The following NLRC5 variants were observed in gnomAD, a reference collection of about 807,000 sequenced individuals.
The protein encoded by NLRC5 is NLR family CARD domain containing 5, also known as protein NLRC5.
In NLRC5, 114 loss-of-function variants were observed where a neutral mutation model predicts 206.9. The ratio of observed to expected loss-of-function variants is 0.55; its 90% CI spans 0.47 to 0.64. NLRC5 has a LOEUF of 0.64. Ranked by LOEUF, NLRC5 falls within the 30% of genes least tolerant of loss-of-function variation. The pLI is 0.00. For synonymous variants in NLRC5, 952 were observed against 962.8 expected (o/e 0.99, Z 0.21); for missense variants, 2,008 against 2,305.5 (o/e 0.87, Z 2.64).
chr16:57,047,740 C>A (rs2064194632), intron 23 of NLRC5, 112 bp downstream of exon 23: 2 of 904,202 alleles, frequency 2.2e-6, no homozygotes, highest in Admixed American at 4.1e-5. Context: ...TTCTTCCCAC[C>A]AGCCCTGCCC....
In NLRC5 at chr16:57,020,775, C is replaced by T. The variant is rs150411504; in HGVS notation, c.63C>T (p.Leu21=). 2.4e-4 allele frequency: 389 copies of T among 1,613,008 alleles called. 1 individual carries two copies. The African/African-American group carries it at 4.6e-3, about 19-fold the overall frequency. The change falls in exon 3 of 49, where the codon CTC becomes CTT. Residue 21 remains leucine (L), a synonymous_variant. Coordinates refer to ENST00000688547, the MANE Select transcript of NLRC5 (RefSeq NM_001384950.1). Reference sequence around the variant, plus strand: ...TGTGGAGCTGTCTTGTGAGGCTGCTCACCAAAGACCCAGAATGGCTGAACG... The same window carrying T: ...TGTGGAGCTGTCTTGTGAGGCTGCTTACCAAAGACCCAGAATGGCTGAACG... ...KNLWSCLVRL[L]TKDPEWLNAK...
rs1317545331 is a variant in NLRC5 at position 57,065,228 on chromosome 16, G to A, written c.4171G>A (p.Ala1391Thr). The change falls in exon 33 of 49, where the codon GCG becomes ACG. Residue 1391 changes from alanine (A) to threonine (T), a missense_variant. Physicochemically the swap from Ala to Thr is moderately conservative, Grantham distance 58. Coordinates refer to ENST00000688547, the MANE Select transcript of NLRC5 (RefSeq NM_001384950.1). Reference protein sequence around the residue: ...LFSLRVQEPWADRARVLSLLE... With the variant: ...LFSLRVQEPWTDRARVLSLLE... ...CTGTGACAGGGTGCAGGAGCCGTGG[G>A]CGGACAGAGCCAGGGTTCTCTCCCT... is the stretch of plus-strand genomic sequence containing the variant. The A allele has an allele frequency of 1.3e-6, 2 of 1,564,734 alleles. No homozygotes were observed. Among genetic ancestry groups the A allele is most frequent in the South Asian group, 2.3e-5 (2 of 85,398 alleles).
intron 28 of NLRC5, 74 bp downstream of exon 28, chr16:57,058,222 C>A: frequency 8.0e-7 from 1 of 1,252,066 alleles, no homozygotes; most frequent in Non-Finnish European, 1.1e-6. Flanking sequence ...GATGGGGGCT[C>A]CTTCTGAGGG....
intron 1 of NLRC5, among the ~76,000 whole-genome samples, chr16:56,991,464 C>A (rs1310604626): frequency 1.3e-5 from 2 of 150,398 alleles, no homozygotes; most frequent in Non-Finnish European, 3.0e-5. Context: ...TCACTGCAAC[C>A]TCCATCTCCT....
Position 57,054,735 on chromosome 16 carries a change from C to T in NLRC5, c.3507-16C>T. The T allele has an allele frequency of 6.2e-7, 1 of 1,610,538 alleles. No individual in the cohort carries two copies. The highest frequency in any genetic ancestry group is 1.3e-5 in the African/African-American group (1 of 74,898). Reference sequence around the variant, plus strand: ...TGTCCACTCATCTTGCCGGATCTACCCCCTTTCCTTTTCAGGCTGAGCCAG... The same window carrying T: ...TGTCCACTCATCTTGCCGGATCTACTCCCTTTCCTTTTCAGGCTGAGCCAG... On this transcript the variant is annotated splice_polypyrimidine_tract_variant and intron_variant, in intron 24 of 48. Transcript: ENST00000688547.
In NLRC5 at chr16:57,020,899, G is replaced by A; in HGVS notation, c.187G>A (p.Val63Ile). ...RVILQLNKLH[V>I]QGSDTWQSFI... ...CATCCTGCAACTCAACAAGCTGCAT[G>A]TCCAGGGTTCGGACACCTGGCAGTC... The change falls in exon 3 of 49, where the codon GTC becomes ATC. Residue 63 changes from valine (V) to isoleucine (I), a missense_variant. Physicochemically the swap from Val to Ile is conservative, Grantham distance 29. Transcript: ENST00000688547. The A allele has an allele frequency of 6.2e-7, 1 of 1,614,010 alleles. No homozygotes were observed. The highest frequency in any genetic ancestry group is 8.5e-7 in the Non-Finnish European group (1 of 1,180,004).
chr16:57,062,602 A>G (rs1711805559), intron 32 of NLRC5: 1 of 155,826 alleles, frequency 6.4e-6, no homozygotes, highest in Non-Finnish European at 1.4e-5. Flanking sequence ...CTTTCCTGGA[A>G]ACTGGACGTT....
rs1597461483 is a variant in NLRC5 at position 57,077,704 on chromosome 16, GC to G, written c.4920-9del. The G allele has an allele frequency of 5.1e-6, 8 of 1,554,034 alleles. No individual in the cohort carries two copies. Among genetic ancestry groups the G allele is most frequent in the Middle Eastern group, 3.5e-4 (2 of 5,786 alleles). ...GGGGGCATCAGAGGACCTGATGGCT[GC>G]CCCCCTCCCACAGCCTCTCAGGGAA... On this transcript the variant is annotated splice_polypyrimidine_tract_variant and intron_variant, in intron 41 of 48. Transcript: ENST00000688547.
chr16:57,031,480 CG>C lies in NLRC5; in HGVS notation c.2477+19del. ...GCTACAAAGGTAAGAAGCCAAGAGG[CG>C]GTGGGCCTGGGGCCATCCTTAGAAG... On this transcript the variant is annotated intron_variant, in intron 11 of 48. Transcript: ENST00000688547. 1 of 1,613,218 alleles carries C rather than the reference CG, an allele frequency of 6.2e-7. No homozygotes were observed. The highest frequency in any genetic ancestry group is 8.5e-7 in the Non-Finnish European group (1 of 1,179,694).
chr16:56,998,475 A>T (rs1206163850), intron 1 of NLRC5, among the ~76,000 whole-genome samples: 1 of 152,174 alleles, frequency 6.6e-6, no homozygotes, highest in African/African-American at 2.4e-5. Flanking sequence ...TTTAAGCCCC[A>T]CAATAACTCT....
chr16:57,066,724 T>C, intron 34 of NLRC5, 110 bp downstream of exon 34: 1 of 989,386 alleles, frequency 1.0e-6, no homozygotes, highest in Non-Finnish European at 1.6e-6. Flanking sequence ...GGGTTCGAAG[T>C]CTTTACACAG....
intron 11 of NLRC5, 30 bp downstream of exon 11, chr16:57,031,493 GC>G: frequency 6.2e-7 from 1 of 1,612,246 alleles, no homozygotes; most frequent in Non-Finnish European, 8.5e-7. Flanking sequence ...TGGGCCTGGG[GC>G]CATCCTTAGA....
At chr16:57,079,355 C>A in intron 45 of NLRC5, 63 bp downstream of exon 45, 1 of 1,565,372 alleles carries the variant, frequency 6.4e-7, no homozygotes, top group Non-Finnish European at 8.8e-7. Context: ...CCTTCTCTGA[C>A]TGAGCCTAAC....
chr16:57,055,191 A>G (rs2065457195), intron 26 of NLRC5, 97 bp downstream of exon 26: 1 of 1,292,058 alleles, frequency 7.7e-7, no homozygotes, highest in South Asian at 1.2e-5. Context: ...ACTGCCTACC[A>G]CAAAACATTC....
intron 1 of NLRC5, chr16:57,004,607 G>A (rs1597101980): frequency 6.6e-6 from 1 of 152,312 alleles, no homozygotes; most frequent in East Asian, 1.9e-4. Context: ...TGCACATGTG[G>A]GTACATGTAT....
At chr16:57,045,421 A>C (rs755609745) in intron 20 of NLRC5, 27 bp from the exon 21 acceptor site, 11 of 1,614,058 alleles carry the variant, frequency 6.8e-6, no homozygotes, top group South Asian at 1.1e-5. Flanking sequence ...GACCATTTTC[A>C]AACTGCTGCT....
In NLRC5 at chr16:57,023,432, G is replaced by A. The variant is rs549638994; in HGVS notation, c.356-353G>A. On this transcript the variant is annotated intron_variant, in intron 4 of 48. Transcript: ENST00000688547. ...TGGGAACTTCACTTATATGACCACCGGCGGCTTCCATAGAGCTTGGTCCTT... is the reference window on the plus strand; with the variant it reads ...TGGGAACTTCACTTATATGACCACCAGCGGCTTCCATAGAGCTTGGTCCTT... Among the ~76,000 whole-genome samples, 18 of 152,278 alleles carry A rather than the reference G, an allele frequency of 1.2e-4. No individual in the cohort carries two copies. In the East Asian group the frequency reaches 3.3e-3, roughly 28 times the overall value.
At chr16:57,076,724 G>A (rs562489067) in intron 39 of NLRC5, 95 bp from the exon 40 acceptor site, 264 of 1,169,518 alleles carry the variant, frequency 2.3e-4, no homozygotes, top group South Asian at 1.1e-3. Flanking sequence ...ATTCCTGGGC[G>A]TGTAAGGCTT....
rs201453343 is a variant in NLRC5, at chr16:57,025,460, C to T, written c.517C>T (p.His173Tyr). 2.6e-5 allele frequency: 42 copies of T among 1,611,422 alleles called. No individual in the cohort carries two copies. In the East Asian group the frequency reaches 6.5e-4, roughly 25 times the overall value. Residue 173 changes from histidine to tyrosine, a missense_variant, in exon 6 of 49, where the codon CAC becomes TAC. Transcript: ENST00000688547. The stretch of plus-strand genomic sequence containing the variant: ...TGGGTCAGGGCAGCCCCACGCCTTC[C>T]ACCAGGTCTATGTCCCTCCAATCCT... Reference protein sequence around the residue: ...IPGSGQPHAFHQVYVPPILRR... With the variant: ...IPGSGQPHAFYQVYVPPILRR...
Sources: allele counts gnomAD v4.1 joint callset (sites outside exome capture counted in the v4.1 genomes callset), GRCh38; gene constraint gnomAD v4.1.1; transcripts MANE v1.5; gene names NCBI Gene and HGNC (gene_info 2026-07-23, HGNC 2026-07-21).